The following CACNA1A variants were observed in gnomAD, a reference collection of about 807,000 sequenced individuals.
CACNA1A encodes calcium voltage-gated channel subunit alpha1 A.
In CACNA1A, 57 loss-of-function variants were observed where a neutral mutation model predicts 262.4. That is an observed-to-expected ratio of 0.22 (90% CI 0.18 to 0.27). The LOEUF (loss-of-function observed/expected upper bound fraction) is 0.27, where lower values mean the gene tolerates loss of function less well. CACNA1A is among the 10% of genes least tolerant of loss of function. The pLI, the probability that CACNA1A is intolerant of heterozygous loss-of-function variation, is 1.00. For missense variants in CACNA1A, 2,526 were observed against 3,562.8 expected, an observed-to-expected ratio of 0.71 and a Z score of 7.41; for synonymous variants, 1,431 against 1,419.3, an observed-to-expected ratio of 1.01 and a Z score of -0.18.
At position 13,246,686 on chromosome 19, in the gene CACNA1A, C is replaced by T. The variant is rs2056244132; in HGVS notation, c.4867-1421G>A. ...TGTCGCCCAGGCTGGAGTGCAGTGGCACGTTCTCGGCTCACTACAAGCTCT... is the reference window on the plus strand; with the variant it reads ...TGTCGCCCAGGCTGGAGTGCAGTGGTACGTTCTCGGCTCACTACAAGCTCT... On this transcript the variant is annotated intron_variant, in intron 30 of 46. Transcript: ENST00000360228. 2.6e-5 allele frequency among the ~76,000 whole-genome samples: 4 copies of T among 151,934 alleles called. No homozygotes were observed. The South Asian group carries it at 8.3e-4, about 32-fold the overall frequency.
intron 24 of CACNA1A, among the ~76,000 whole-genome samples, chr19:13,267,138 G>C (rs189764524): frequency 1.8e-3 from 276 of 152,218 alleles, no homozygotes; most frequent in African/African-American, 5.9e-3. Context: ...ATGAGAGAGA[G>C]AGAGAGAGAA....
chr19:13,486,382 C>CTCTG (rs754203771), intron 1 of CACNA1A, among the ~76,000 whole-genome samples: 10 of 118,984 alleles, frequency 8.4e-5, no homozygotes, highest in Non-Finnish European at 1.7e-4. Context: ...CTCTCTCTCT[C>CTCTG]TCTGTCTGTC....
At chr19:13,504,281 T>C (rs1338623544) in intron 1 of CACNA1A, among the ~76,000 whole-genome samples, 1 of 152,100 alleles carries the variant, frequency 6.6e-6, no homozygotes. Flanking sequence ...CCAGCCTCTT[T>C]AAGAGTCTGA....
intron 1 of CACNA1A, among the ~76,000 whole-genome samples, chr19:13,464,026 T>C (rs937030051): frequency 6.6e-6 from 1 of 152,078 alleles, no homozygotes; most frequent in Admixed American, 6.5e-5. Context: ...TACAGGGCCC[T>C]GCATATAGTA....
chr19:13,235,145 C>T (rs553614010), intron 33 of CACNA1A, 64 bp downstream of exon 33: 2 of 1,575,734 alleles, frequency 1.3e-6, no homozygotes, highest in African/African-American at 1.3e-5. Context: ...CTCTGACCCA[C>T]CCCTTTCTAA....
chr19:13,207,740 G>C lies in CACNA1A; in HGVS notation c.7094C>G (p.Pro2365Arg). Residue 2365 changes from proline to arginine, a missense_variant, in exon 47 of 47, where the codon CCC (proline) becomes CGC (arginine). Transcript: ENST00000360228. The surrounding 1 kb of genome is among the most constrained non-coding windows in gnomAD (Gnocchi z 5.7). ...GCCTGGGACCCGCCTCTCCATCCTGGGCGAGCGGCCGCTGCTGTGGCCCCC... is the reference window on the plus strand; with the variant it reads ...GCCTGGGACCCGCCTCTCCATCCTGCGCGAGCGGCCGCTGCTGTGGCCCCC... ...PTGGHSSGRS[P>R]RMERRVPGPA... is the part of the protein sequence containing the mutation. The C allele has an allele frequency of 7.3e-7, 1 of 1,371,784 alleles. No individual in the cohort carries two copies. The highest frequency in any genetic ancestry group is 9.3e-7 in the Non-Finnish European group (1 of 1,069,800). 85.0% of individuals were successfully genotyped at this position (1,371,784 alleles called of 1,614,324 possible).
At chr19:13,278,405 C>T (rs2057203197) in intron 22 of CACNA1A, among the ~76,000 whole-genome samples, 1 of 152,168 alleles carries the variant, frequency 6.6e-6, no homozygotes, top group Admixed American at 6.5e-5. Flanking sequence ...GAATGCTTTC[C>T]CCCACATCCC....
At chr19:13,442,329 A>G (rs1047295414) in intron 3 of CACNA1A, among the ~76,000 whole-genome samples, 5 of 152,122 alleles carry the variant, frequency 3.3e-5, no homozygotes, top group African/African-American at 9.7e-5. Flanking sequence ...CCACTGAGCA[A>G]TGGGGAAGCC....
intron 6 of CACNA1A, among the ~76,000 whole-genome samples, chr19:13,342,857 T>C (rs1005100925): frequency 1.3e-5 from 2 of 152,206 alleles, no homozygotes; most frequent in African/African-American, 4.8e-5. Flanking sequence ...TCAAAAGTCA[T>C]GGAGGCTTTG....
At chr19:13,382,540 T>G (rs536558729) in intron 3 of CACNA1A, among the ~76,000 whole-genome samples, 20 of 151,524 alleles carry the variant, frequency 1.3e-4, no homozygotes, top group Non-Finnish European at 2.7e-4. Context: ...AGGGGAGAGG[T>G]TGGGTAAGCT....
chr19:13,502,934 C>T (rs893549497), intron 1 of CACNA1A, among the ~76,000 whole-genome samples: 4 of 152,184 alleles, frequency 2.6e-5, no homozygotes, highest in African/African-American at 7.2e-5. Flanking sequence ...TTAAACAAGA[C>T]AGGGAGGAAC....
At chr19:13,217,040 T>C (rs2055039031) in intron 38 of CACNA1A, among the ~76,000 whole-genome samples, 1 of 151,994 alleles carries the variant, frequency 6.6e-6, no homozygotes, top group African/African-American at 2.4e-5. Context: ...GGCTGAGGCA[T>C]GAGAATCGCT....
At chr19:13,416,440 G>A (rs1011211303) in intron 3 of CACNA1A, among the ~76,000 whole-genome samples, 4 of 152,104 alleles carry the variant, frequency 2.6e-5, no homozygotes, top group South Asian at 4.1e-4. Flanking sequence ...CTAGCACTTC[G>A]GGAGGCCGAG....
chr19:13,374,042 A>T (rs2059366426), intron 3 of CACNA1A, among the ~76,000 whole-genome samples: 1 of 152,134 alleles, frequency 6.6e-6, no homozygotes, highest in African/African-American at 2.4e-5. Context: ...GTTCCCATAG[A>T]TGAGGGGGAG....
chr19:13,438,994 C>T (rs1276589791), intron 3 of CACNA1A, among the ~76,000 whole-genome samples: 2 of 152,030 alleles, frequency 1.3e-5, no homozygotes, highest in African/African-American at 2.4e-5. Flanking sequence ...CTGCCTTGGC[C>T]TCCCAAAGTG....
At chr19:13,483,056 C>T (rs183109155) in intron 1 of CACNA1A, among the ~76,000 whole-genome samples, 2 of 152,048 alleles carry the variant, frequency 1.3e-5, no homozygotes, top group Non-Finnish European at 2.9e-5. Context: ...CTACTGGGAC[C>T]CTCTCTCATA....
chr19:13,254,199 G>A (rs1470057133), intron 29 of CACNA1A, among the ~76,000 whole-genome samples: 2 of 152,110 alleles, frequency 1.3e-5, no homozygotes, highest in African/African-American at 4.8e-5. Context: ...CTGGTTGCTT[G>A]TACAAAGGTA....
At chr19:13,469,438 G>A (rs892393127) in intron 1 of CACNA1A, among the ~76,000 whole-genome samples, 4 of 140,504 alleles carry the variant, frequency 2.8e-5, no homozygotes, top group African/African-American at 1.1e-4. Context: ...CCTGTTTCCA[G>A]CATCCTTGTC....
intron 1 of CACNA1A, among the ~76,000 whole-genome samples, chr19:13,476,114 C>A (rs946627752): frequency 6.6e-6 from 1 of 152,156 alleles, no homozygotes; most frequent in African/African-American, 2.4e-5. Flanking sequence ...GAAGCTGGGG[C>A]CAGGGCTTAC....
Sources: allele counts gnomAD v4.1 joint callset (sites outside exome capture counted in the v4.1 genomes callset), GRCh38; gene constraint gnomAD v4.1.1; non-coding constraint Gnocchi (gnomAD v3.1); transcripts MANE v1.5; gene names NCBI Gene and HGNC (gene_info 2026-07-23, HGNC 2026-07-21).